PTPN13: variants seen among roughly 807,000 people sequenced by gnomAD.
PTPN13 encodes tyrosine-protein phosphatase non-receptor type 13.
PTPN13 carries 191 observed loss-of-function variants against 284.0 expected under a neutral mutation model. That is an observed-to-expected ratio of 0.67 (90% CI 0.60 to 0.76). The LOEUF (loss-of-function observed/expected upper bound fraction) is 0.76, where lower values mean the gene tolerates loss of function less well. Ranked by LOEUF, PTPN13 falls within the 30% of genes least tolerant of loss-of-function variation. The pLI is 0.00. For missense variants in PTPN13, 2,797 were observed against 2,939.9 expected (o/e 0.95, Z 1.12); for synonymous variants, 986 against 1,022.3 (o/e 0.96, Z 0.68).
chr4:86,632,032 CTCCTTCCTTTTGTCCTTCCA>C (rs1040061453), intron 1 of PTPN13, among the ~76,000 whole-genome samples: 1 of 129,678 alleles, frequency 7.7e-6, no homozygotes, highest in African/African-American at 2.8e-5. Context: ...TAATTTTGTT[CTCCTTCCTTTTGTCCTTCCA>C]TCCTTCCTTA....
chr4:86,812,619 T>G lies in PTPN13; in HGVS notation c.7362+1511T>G, dbSNP rs80170008. ...TTTGAAGGCAAAGGAGAGGGTCATGTAGATCTCTGGGGACAAGAGCCTTTC... is the reference window on the plus strand; with the variant it reads ...TTTGAAGGCAAAGGAGAGGGTCATGGAGATCTCTGGGGACAAGAGCCTTTC... On this transcript the variant is annotated intron_variant, in intron 47 of 47. Coordinates refer to ENST00000411767, the MANE Select transcript of PTPN13 (RefSeq NM_080683.3). 2.4e-4 allele frequency among the ~76,000 whole-genome samples: 36 copies of G among 152,256 alleles called. 1 individual carries two copies. In the East Asian group the frequency reaches 7.0e-3, roughly 30 times the overall value.
chr4:86,662,620 G>A (rs1024568315), intron 2 of PTPN13, among the ~76,000 whole-genome samples: 12 of 152,250 alleles, frequency 7.9e-5, no homozygotes, highest in African/African-American at 1.2e-4. Flanking sequence ...ATGAGCCACC[G>A]TGCCCAGCTG....
intron 8 of PTPN13, among the ~76,000 whole-genome samples, 179 bp from the exon 9 acceptor site, chr4:86,716,845 T>C (rs1013178163): frequency 6.6e-6 from 1 of 152,220 alleles, no homozygotes; most frequent in African/African-American, 2.4e-5. Context: ...AGATAATAAT[T>C]CATTGTCTTT....
At chr4:86,596,762 C>T (rs1763846043) in intron 1 of PTPN13, among the ~76,000 whole-genome samples, 1 of 152,136 alleles carries the variant, frequency 6.6e-6, no homozygotes, top group South Asian at 2.1e-4. Context: ...CCCAAATGTA[C>T]TGGAGAGAAG....
Position 86,693,083 on chromosome 4 carries a change from A to T in PTPN13, c.547-504A>T, listed in dbSNP as rs952695204. On this transcript the variant is annotated intron_variant, in intron 5 of 47. Coordinates refer to ENST00000411767, the MANE Select transcript of PTPN13 (RefSeq NM_080683.3). Reference sequence around the variant, plus strand: ...ACTCCGTTATATTTAAAAAAAAAAAAAAAAAAAAAAGACTTAGCATTTCAC... The same window carrying T: ...ACTCCGTTATATTTAAAAAAAAAAATAAAAAAAAAAGACTTAGCATTTCAC... Among the ~76,000 whole-genome samples, 503 of 151,536 alleles carry T rather than the reference A, an allele frequency of 3.3e-3. 2 individuals carry two copies. The highest frequency in any genetic ancestry group is 0.012 in the African/African-American group (486 of 41,432).
intron 6 of PTPN13, among the ~76,000 whole-genome samples, chr4:86,698,252 G>A (rs187829061): frequency 6.6e-6 from 1 of 152,260 alleles, no homozygotes; most frequent in East Asian, 1.9e-4. Flanking sequence ...CCATATTTCT[G>A]TTTTGAACAA....
At chr4:86,644,915 TCTCAA>T (rs1285010769) in intron 2 of PTPN13, among the ~76,000 whole-genome samples, 5 of 152,038 alleles carry the variant, frequency 3.3e-5, no homozygotes, top group Admixed American at 2.0e-4. Flanking sequence ...CTTAAAAAGC[TCTCAA>T]CTCAACGCCG....
At chr4:86,604,776 A>C (rs1764606555) in intron 1 of PTPN13, among the ~76,000 whole-genome samples, 2 of 152,004 alleles carry the variant, frequency 1.3e-5, no homozygotes. Flanking sequence ...TACTACTGTA[A>C]CATATTTGAC....
At chr4:86,693,486 C>A (rs1730248383) in intron 5 of PTPN13, 101 bp from the exon 6 acceptor site, 1 of 615,520 alleles carries the variant, frequency 1.6e-6, no homozygotes, top group African/African-American at 1.8e-5. Flanking sequence ...AATGTTACAT[C>A]CTCCAAAAAC....
intron 2 of PTPN13, among the ~76,000 whole-genome samples, chr4:86,653,829 G>C (rs1478144517): frequency 6.6e-6 from 1 of 152,092 alleles, no homozygotes; most frequent in African/African-American, 2.4e-5. Flanking sequence ...AAATTGAAAA[G>C]TAACTAAAGA....
Position 86,702,991 on chromosome 4 carries a change from G to A in PTPN13, c.1195+1190G>A, listed in dbSNP as rs572164212. Among the ~76,000 whole-genome samples, 564 of 152,080 alleles carry A rather than the reference G, an allele frequency of 3.7e-3. 3 individuals are homozygous for A. The highest frequency in any genetic ancestry group is 0.01 in the Middle Eastern group (3 of 294). ...TGTTGTCCTGTTACTTAAGTTTCAGGCATAGCTCTGGAGCTGAACAACATA... is the reference window on the plus strand; with the variant it reads ...TGTTGTCCTGTTACTTAAGTTTCAGACATAGCTCTGGAGCTGAACAACATA... On this transcript the variant is annotated intron_variant, in intron 7 of 47. Transcript: ENST00000411767.
In PTPN13 at chr4:86,741,739, G is replaced by A; in HGVS notation, c.2410G>A (p.Val804Met). ...TGGAGTCTGTTCTAAAGGTGTCCTT[G>A]TGTTTGAAGTTCACAATGGAGTGCG... ...LLGVCSKGVL[V>M]FEVHNGVRTL... Residue 804 changes from valine (V) to methionine (M), a missense_variant, in exon 16 of 48, where the codon GTG (valine) becomes ATG (methionine). Val to Met is a conservative substitution (Grantham distance 21). Coordinates refer to ENST00000411767, the MANE Select transcript of PTPN13 (RefSeq NM_080683.3). The A allele has an allele frequency of 6.2e-7, 1 of 1,613,450 alleles. No individual in the cohort carries two copies. The highest frequency in any genetic ancestry group is 2.2e-5 in the East Asian group (1 of 44,854).
intron 7 of PTPN13, among the ~76,000 whole-genome samples, chr4:86,709,313 T>C (rs929002582): frequency 5.3e-5 from 8 of 152,172 alleles, no homozygotes; most frequent in African/African-American, 1.9e-4. Flanking sequence ...ATTGAAATTA[T>C]TGCTTTTCAG....
At chr4:86,663,235 A>G (rs143915530) in intron 2 of PTPN13, among the ~76,000 whole-genome samples, 1 of 152,252 alleles carries the variant, frequency 6.6e-6, no homozygotes, top group Admixed American at 6.5e-5. Context: ...AGAGAAAAGC[A>G]TACAAATTTA....
At chr4:86,716,991 C>G (rs1392330815) in intron 8 of PTPN13, 33 bp from the exon 9 acceptor site, 2 of 1,431,326 alleles carry the variant, frequency 1.4e-6, no homozygotes. Context: ...TTTCTATCAC[C>G]TGTGCCATTA....
In PTPN13 at chr4:86,809,774, A is replaced by G. The variant is rs767937993; in HGVS notation, c.7089A>G (p.Arg2363=). 18 of 1,613,692 alleles carry G rather than the reference A, an allele frequency of 1.1e-5. 1 individual carries two copies. In the East Asian group the frequency reaches 3.8e-4, roughly 34 times the overall value. Residue 2363 remains arginine (R), a synonymous_variant, in exon 46 of 48, where the codon AGA becomes AGG. Coordinates refer to ENST00000411767, the MANE Select transcript of PTPN13 (RefSeq NM_080683.3). Reference sequence around the variant, plus strand: ...ATTCTGTTATACAATTTCAGACCAGAGAGGTGCGCCATATTTCTCATCTGA... The same window carrying G: ...ATTCTGTTATACAATTTCAGACCAGGGAGGTGCGCCATATTTCTCATCTGA... ...RAMTLEDIQT[R]EVRHISHLNF...
Position 86,789,487 on chromosome 4 carries a change from C to T in PTPN13, c.6345+3551C>T, listed in dbSNP as rs143273726. On this transcript the variant is annotated intron_variant, in intron 40 of 47. Coordinates refer to ENST00000411767, the MANE Select transcript of PTPN13 (RefSeq NM_080683.3). ...TGCTATAGTGCTGTGCTATCACCAACTTGAAGTTCTTAGTAAGTTTTTAAC... is the reference window on the plus strand; with the variant it reads ...TGCTATAGTGCTGTGCTATCACCAATTTGAAGTTCTTAGTAAGTTTTTAAC... Among the ~76,000 whole-genome samples, 51 of 152,272 alleles carry T rather than the reference C, an allele frequency of 3.3e-4. No individual in the cohort carries two copies. In the East Asian group the frequency reaches 7.7e-3, roughly 23 times the overall value.
chr4:86,795,860 C>A lies in PTPN13; in HGVS notation c.6346-1014C>A, dbSNP rs141651590. ...ACAATGAGAACACATGGACACAGGGCGGGGAATGTCACACACCAGGGCCTT... is the reference window on the plus strand; with the variant it reads ...ACAATGAGAACACATGGACACAGGGAGGGGAATGTCACACACCAGGGCCTT... On this transcript the variant is annotated intron_variant, in intron 40 of 47. Transcript: ENST00000411767. Among the ~76,000 whole-genome samples the A allele has an allele frequency of 7.4e-3, 1,128 of 152,010 alleles. 12 individuals carry two copies. Among genetic ancestry groups the A allele is most frequent in the Middle Eastern group, 0.01 (3 of 294 alleles).
intron 1 of PTPN13, among the ~76,000 whole-genome samples, chr4:86,626,358 A>G (rs1578278965): frequency 1.3e-5 from 2 of 152,142 alleles, no homozygotes; most frequent in Admixed American, 6.6e-5. Context: ...AATACTAAAC[A>G]TTGCTCCAAC....
Sources: gnomAD v4.1 joint callset for allele counts (sites outside exome capture counted in the v4.1 genomes callset) on GRCh38, gnomAD v4.1.1 for gene constraint, MANE v1.5 for transcripts, NCBI Gene and HGNC (gene_info 2026-07-23, HGNC 2026-07-21) for gene names.